CHD2: variants seen among roughly 807,000 people sequenced by gnomAD.
The protein encoded by CHD2 is chromodomain helicase DNA binding protein 2, also known as ATP-dependent chromatin remodeler CHD2.
In CHD2, 28 loss-of-function variants were observed where a neutral mutation model predicts 243.9. The ratio of observed to expected loss-of-function variants is 0.11; its 90% CI spans 0.09 to 0.16. The LOEUF (loss-of-function observed/expected upper bound fraction) is 0.16. Among genes scored for constraint, CHD2 ranks in the 10% least tolerant of loss-of-function variants. The pLI is 1.00. For missense variants in CHD2, 1,386 were observed against 2,209.8 expected (o/e 0.63, Z 7.47); for synonymous variants, 775 against 779.0 (o/e 0.99, Z 0.09).
intron 28 of CHD2, among the ~76,000 whole-genome samples, chr15:92,994,663 A>C (rs894493037): frequency 6.6e-6 from 1 of 152,228 alleles, no homozygotes; most frequent in African/African-American, 2.4e-5. Flanking sequence ...CTTAAAACTG[A>C]AAAACGTATT....
chr15:92,923,000 G>T (rs1488345750), intron 2 of CHD2, among the ~76,000 whole-genome samples: 1 of 152,224 alleles, frequency 6.6e-6, no homozygotes, highest in Admixed American at 6.5e-5. Context: ...AGGGAGATGT[G>T]TGGAGGCCAG....
chr15:92,945,931 A>G (rs1050248389), intron 11 of CHD2, 66 bp downstream of exon 11: 2 of 1,470,876 alleles, frequency 1.4e-6, no homozygotes, highest in Non-Finnish European at 1.9e-6. Flanking sequence ...TTTGCAGATT[A>G]TTTTGTTTTG....
chr15:92,998,645 T>G lies in CHD2; in HGVS notation c.4008+24T>G. 1 of 1,607,346 alleles carries G rather than the reference T, an allele frequency of 6.2e-7. No individual in the cohort carries two copies. The highest frequency in any genetic ancestry group is 1.1e-5 in the South Asian group (1 of 90,732). ...AGGTGAGTACGCTGCCAGCTGGTTG[T>G]TTTTCAGGGGCCTGAGGCTCCTACC... On this transcript the variant is annotated intron_variant, in intron 31 of 38. Transcript: ENST00000394196. This position sits in a 1 kb window ranked among gnomAD's most constrained non-coding sequence, Gnocchi z 5.1.
At chr15:92,908,294 T>G (rs2052659866) in intron 2 of CHD2, among the ~76,000 whole-genome samples, 2 of 152,218 alleles carry the variant, frequency 1.3e-5, no homozygotes, top group African/African-American at 4.8e-5. Flanking sequence ...TCTAATTGGC[T>G]GTAGCTTGCT....
At chr15:92,955,155 C>T (rs971287879) in intron 14 of CHD2, among the ~76,000 whole-genome samples, 1 of 152,098 alleles carries the variant, frequency 6.6e-6, no homozygotes, top group Non-Finnish European at 1.5e-5. Flanking sequence ...TGATGAAGTG[C>T]ATTTTCTTCA....
intron 13 of CHD2, among the ~76,000 whole-genome samples, chr15:92,951,373 G>A (rs1449416143): frequency 6.6e-5 from 10 of 152,098 alleles, no homozygotes; most frequent in Admixed American, 2.0e-4. Context: ...GTTTCACCAT[G>A]TTGGCCAAGC....
At position 93,024,502 on chromosome 15, in the gene CHD2, T is replaced by G. The variant is rs2054569816; in HGVS notation, c.5284T>G (p.Tyr1762Asp). Residue 1762 changes from tyrosine to aspartate, a missense_variant, in exon 39 of 39, where the codon TAC becomes GAC. Transcript: ENST00000394196. ...GYHGQGPSDH[Y>D]RSFHTDKLGE... ...CCATGGCCAGGGACCCTCAGACCAT[T>G]ACCGCTCTTTCCACACAGATAAACT... 6.2e-7 allele frequency: 1 copy of G among 1,614,080 alleles called. No homozygotes were observed. The highest frequency in any genetic ancestry group is 8.5e-7 in the Non-Finnish European group (1 of 1,180,034).
chr15:92,985,787 A>C lies in CHD2; in HGVS notation c.3413+114A>C, dbSNP rs376527352. 5.8e-4 allele frequency: 596 copies of C among 1,024,292 alleles called. 3 individuals are homozygous for C. The African/African-American group carries it at 8.9e-3, about 15-fold the overall frequency. 63.5% of individuals were successfully genotyped at this position (1,024,292 alleles called of 1,614,324 possible). On this transcript the variant is annotated intron_variant, in intron 26 of 38. Transcript: ENST00000394196. ...TAGGCAGAGGCTAATACCTACAAAA[A>C]AGGAAAGAGAAGCTGGGTCCTGTCC...
rs1341285563 is a variant in CHD2, at chr15:92,997,227, T to A, written c.3735-26T>A. 6.2e-7 allele frequency: 1 copy of A among 1,613,720 alleles called. No homozygotes were observed. Among genetic ancestry groups the A allele is most frequent in the East Asian group, 2.2e-5 (1 of 44,866 alleles). ...TACCAAAAAGGCCCCTCTTCTAATGTCTTCCTGTTTTTAAACTTTCTTTAG... is the reference window on the plus strand; with the variant it reads ...TACCAAAAAGGCCCCTCTTCTAATGACTTCCTGTTTTTAAACTTTCTTTAG... On this transcript the variant is annotated intron_variant, in intron 29 of 38. Coordinates refer to ENST00000394196, the MANE Select transcript of CHD2 (RefSeq NM_001271.4). The surrounding 1 kb of genome is among the most constrained non-coding windows in gnomAD (Gnocchi z 4.1).
chr15:92,964,931 A>AT (rs1276032916), intron 16 of CHD2, among the ~76,000 whole-genome samples: 11 of 151,954 alleles, frequency 7.2e-5, no homozygotes, highest in South Asian at 2.1e-4. Flanking sequence ...CAATCTCTTA[A>AT]TTTTTTTTGC....
chr15:92,949,328 C>T, intron 13 of CHD2: 1 of 929,174 alleles, frequency 1.1e-6, no homozygotes. Context: ...TTGTCATAGC[C>T]AGAAACCTGT....
intron 34 of CHD2, 27 bp downstream of exon 34, chr15:93,004,778 G>C (rs748166419): frequency 1.2e-6 from 2 of 1,605,716 alleles, no homozygotes; most frequent in Middle Eastern, 3.3e-4. Context: ...GGGGGTGCCA[G>C]TGTCTGCAGC....
In CHD2 at chr15:92,944,219, G is replaced by T. The variant is rs535978235; in HGVS notation, c.1053-196G>T. On this transcript the variant is annotated intron_variant, in intron 9 of 38. Transcript: ENST00000394196. ...TCCTTCTATGAGTGTAAGGTTTTCA[G>T]TGTTCTCTAAAAGTGTTTTTTTTGT... 2.3e-4 allele frequency: 98 copies of T among 421,930 alleles called. No individual in the cohort carries two copies. The South Asian group carries it at 2.4e-3, about 10-fold the overall frequency. The allele number at this position is 421,930 out of a possible 1,614,324, so 26.1% of individuals were successfully genotyped here. A position where few individuals can be genotyped will look rare whatever the true frequency, so the allele number is the denominator to read the frequency against.
At chr15:92,910,467 A>G (rs1257944004) in intron 2 of CHD2, among the ~76,000 whole-genome samples, 1 of 151,990 alleles carries the variant, frequency 6.6e-6, no homozygotes, top group Admixed American at 6.6e-5. Context: ...GTCTCAGCTC[A>G]TTGCAACCTC....
intron 34 of CHD2, among the ~76,000 whole-genome samples, chr15:93,008,697 T>G (rs1218991436): frequency 9.2e-5 from 14 of 152,226 alleles, no homozygotes. Context: ...AAAAGATGCT[T>G]GTGTTCTGTT....
intron 28 of CHD2, among the ~76,000 whole-genome samples, chr15:92,993,734 G>GGAGTT (rs2054151558): frequency 6.6e-6 from 1 of 152,146 alleles, no homozygotes; most frequent in Admixed American, 6.5e-5. Context: ...CTTGAGCCCA[G>GGAGTT]GAGTTCAAGT....
chr15:92,991,363 A>G, intron 26 of CHD2, 113 bp from the exon 27 acceptor site: 3 of 641,280 alleles, frequency 4.7e-6, no homozygotes, highest in Non-Finnish European at 7.9e-6. Context: ...GATTGAGTCC[A>G]CTCTATTTTT....
Position 92,980,879 on chromosome 15 carries a change from A to G in CHD2, c.2941A>G (p.Lys981Glu). 6.2e-7 allele frequency: 1 copy of G among 1,613,716 alleles called. No individual in the cohort carries two copies. Among genetic ancestry groups the G allele is most frequent in the Non-Finnish European group, 8.5e-7 (1 of 1,179,734 alleles). Residue 981 changes from lysine (K) to glutamate (E), a missense_variant, in exon 23 of 39, where the codon AAA (lysine) becomes GAA (glutamate). Lys to Glu is a moderately conservative substitution (Grantham distance 56). This residue lies in a region of CHD2 where 99 missense variants were observed against 206.4 expected (regional missense o/e 0.48). Transcript: ENST00000394196. ...ILKFGAEDLF[K>E]ELEGEESEPQ... The stretch of plus-strand genomic sequence containing the variant: ...GAAATTTGGAGCAGAGGATCTCTTC[A>G]AAGAACTGGAAGGGGAGGAATCAGA...
chr15:92,975,666 C>CTT (rs931379088), intron 20 of CHD2, among the ~76,000 whole-genome samples: 1 of 143,234 alleles, frequency 7.0e-6, no homozygotes. Context: ...TGAGCCACTA[C>CTT]TTTTTTTTTT....
Sources: allele counts gnomAD v4.1 joint callset (sites outside exome capture counted in the v4.1 genomes callset), GRCh38; gene constraint gnomAD v4.1.1; regional missense constraint gnomAD v4.1.1; non-coding constraint Gnocchi (gnomAD v3.1); transcripts MANE v1.5; gene names NCBI Gene and HGNC (gene_info 2026-07-23, HGNC 2026-07-21).